RNF157: variants seen among roughly 807,000 people sequenced by gnomAD.
RNF157 encodes E3 ubiquitin ligase RNF157.
A neutral mutation model predicts 88.3 loss-of-function variants in RNF157; 55 were observed. That is an observed-to-expected ratio of 0.62 (90% CI 0.50 to 0.78). The LOEUF (loss-of-function observed/expected upper bound fraction) is 0.78, where lower values mean the gene tolerates loss of function less well. Ranked by LOEUF, RNF157 falls within the 30% of genes least tolerant of loss-of-function variation. The pLI is 0.00. For synonymous variants in RNF157, 334 were observed against 341.2 expected, an observed-to-expected ratio of 0.98 and a Z score of 0.23; for missense variants, 788 against 860.8, an observed-to-expected ratio of 0.92 and a Z score of 1.06.
At chr17:76,175,587 A>G (rs2069090291) in intron 2 of RNF157, among the ~76,000 whole-genome samples, 1 of 152,226 alleles carries the variant, frequency 6.6e-6, no homozygotes, top group African/African-American at 2.4e-5. Context: ...CAATTTTTAA[A>G]TAAGCTTAAG....
At chr17:76,154,359 T>C (rs747703346) in intron 16 of RNF157, 31 bp from the exon 17 acceptor site, 62 of 1,535,824 alleles carry the variant, frequency 4.0e-5, no homozygotes, top group Non-Finnish European at 4.9e-5. Context: ...TGTGAGTCTA[T>C]GAAGCGGCAA....
chr17:76,166,060 C>T (rs768815481), intron 6 of RNF157, among the ~76,000 whole-genome samples: 2 of 151,984 alleles, frequency 1.3e-5, no homozygotes, highest in East Asian at 1.9e-4. Context: ...CTGCAACCTC[C>T]GCCTCCCAGG....
intron 1 of RNF157, 102 bp from the exon 2 acceptor site, chr17:76,212,584 G>A (rs1283621004): frequency 4.1e-6 from 3 of 730,546 alleles, no homozygotes; most frequent in East Asian, 2.8e-5. Flanking sequence ...CTTTTGGGCT[G>A]TGCGTGGTGG....
intron 1 of RNF157, among the ~76,000 whole-genome samples, chr17:76,227,061 A>G (rs1254833564): frequency 6.6e-6 from 1 of 151,714 alleles, no homozygotes; most frequent in African/African-American, 2.4e-5. Context: ...GGAAAAAACT[A>G]CATCTGTGGG....
rs1294626122 is a variant in RNF157 at position 76,146,632 on chromosome 17, C to T, written c.1922-1279G>A. ...CTCTGGCCGGGGGAGGCCCAGTGTG[C>T]TCCTAAGTGCTCCCTGCAGCCTGAA... On this transcript the variant is annotated intron_variant, in intron 18 of 18. Coordinates refer to ENST00000269391, the MANE Select transcript of RNF157 (RefSeq NM_052916.3). This position sits in a 1 kb window ranked among gnomAD's most constrained non-coding sequence, Gnocchi z 4.2. 1 of 985,358 alleles carries T rather than the reference C, an allele frequency of 1.0e-6. No homozygotes were observed. The highest frequency in any genetic ancestry group is 1.2e-6 in the Non-Finnish European group (1 of 829,948). The allele number at this position is 985,358 out of a possible 1,614,324, so 61.0% of individuals were successfully genotyped here. A position where few individuals can be genotyped will look rare whatever the true frequency, so the allele number is the denominator to read the frequency against.
intron 1 of RNF157, among the ~76,000 whole-genome samples, chr17:76,214,735 G>A (rs1309726648): frequency 6.6e-6 from 1 of 152,102 alleles, no homozygotes; most frequent in Non-Finnish European, 1.5e-5. Flanking sequence ...TTCTTAATCA[G>A]CCAGGAGGCA....
At position 76,212,420 on chromosome 17, in the gene RNF157, C is replaced by G; in HGVS notation, c.151G>C (p.Gly51Arg). Residue 51 changes from glycine (G) to arginine (R), a missense_variant, in exon 2 of 19, where the codon GGT becomes CGT. Transcript: ENST00000269391. ...TCGCTGTTCTCTCCAAACAGGTAAC[C>G]TTCAGGATGAGTTGAGTCAAACTTC... ...GEKFDSTHPEGYLFGENSDLN... is the reference protein window; with the variant it reads ...GEKFDSTHPERYLFGENSDLN... 6.2e-7 allele frequency: 1 copy of G among 1,614,008 alleles called. No homozygotes were observed. The highest frequency in any genetic ancestry group is 2.2e-5 in the East Asian group (1 of 44,878).
At chr17:76,148,963 C>T (rs927895748) in intron 18 of RNF157, among the ~76,000 whole-genome samples, 4 of 152,194 alleles carry the variant, frequency 2.6e-5, no homozygotes, top group African/African-American at 9.7e-5. Flanking sequence ...TAACAGTCTG[C>T]CAAACTCCTC....
At chr17:76,186,215 C>T (rs1191555732) in intron 2 of RNF157, among the ~76,000 whole-genome samples, 1 of 152,042 alleles carries the variant, frequency 6.6e-6, no homozygotes, top group African/African-American at 2.4e-5. Flanking sequence ...GACTCTAAAA[C>T]TATTTATGGG....
chr17:76,167,022 C>T lies in RNF157; in HGVS notation c.548G>A (p.Trp183Ter). ...GAGGCAGCTCACCTCCTCTTCGGCC[C>T]ACTCGGAGGGATCCACGGTGTGGGA... ...LPSHTVDPSEWAEEELGFDLD... is the reference protein window; with the variant it reads ...LPSHTVDPSE The change falls in exon 5 of 19, where the codon TGG becomes TAG. Residue 183 changes from tryptophan (W) to a stop codon, truncating the protein, a stop_gained. Coordinates refer to ENST00000269391, the MANE Select transcript of RNF157 (RefSeq NM_052916.3). LOFTEE classifies it high-confidence loss of function. The T allele has an allele frequency of 6.2e-7, 1 of 1,609,020 alleles. No individual in the cohort carries two copies. Among genetic ancestry groups the T allele is most frequent in the Non-Finnish European group, 8.5e-7 (1 of 1,179,290 alleles).
intron 1 of RNF157, among the ~76,000 whole-genome samples, chr17:76,222,864 T>C (rs1272841621): frequency 6.6e-6 from 1 of 151,770 alleles, no homozygotes; most frequent in Non-Finnish European, 1.5e-5. Context: ...ATTTCATATA[T>C]ATGTGGAAGA....
At chr17:76,187,889 C>T (rs115346679) in intron 2 of RNF157, among the ~76,000 whole-genome samples, 1,555 of 152,268 alleles carry the variant, frequency 0.01, 33 homozygotes, top group African/African-American at 0.036. Context: ...TGAGCCACCA[C>T]GCCCAGCCCT....
At chr17:76,228,430 GGT>G (rs1027179030) in intron 1 of RNF157, among the ~76,000 whole-genome samples, 15 of 152,234 alleles carry the variant, frequency 9.9e-5, no homozygotes, top group Non-Finnish European at 2.1e-4. Flanking sequence ...TCCTTTCCAA[GGT>G]TAACTTCTTC....
At chr17:76,188,397 CT>C (rs1410784490) in intron 2 of RNF157, among the ~76,000 whole-genome samples, 8 of 152,148 alleles carry the variant, frequency 5.3e-5, no homozygotes, top group Non-Finnish European at 1.2e-4. Context: ...GTGGTTCTTC[CT>C]CTTTTTACTG....
intron 2 of RNF157, among the ~76,000 whole-genome samples, chr17:76,182,220 A>T (rs1289539519): frequency 6.6e-6 from 1 of 152,208 alleles, no homozygotes; most frequent in Non-Finnish European, 1.5e-5. Context: ...GGGCTCAGCC[A>T]GAAGACCTCT....
rs144025011 is a variant in RNF157, at chr17:76,161,234, T to C, written c.1065+301A>G. On this transcript the variant is annotated intron_variant, in intron 11 of 18. Transcript: ENST00000269391. The surrounding 1 kb of genome is among the most constrained non-coding windows in gnomAD (Gnocchi z 4.6). ...TTTAAATCCAAAATAATCGTCCCATTGTTTCTGCCTGGGGGAGTTCAAGTT... is the reference window on the plus strand; with the variant it reads ...TTTAAATCCAAAATAATCGTCCCATCGTTTCTGCCTGGGGGAGTTCAAGTT... Among the ~76,000 whole-genome samples, 160 of 152,270 alleles carry C rather than the reference T, an allele frequency of 1.1e-3. No homozygotes were observed. Among genetic ancestry groups the C allele is most frequent in the Non-Finnish European group, 1.8e-3 (120 of 68,020 alleles).
At chr17:76,152,653 GC>G in intron 17 of RNF157, 188 bp from the exon 18 acceptor site, 1 of 541,670 alleles carries the variant, frequency 1.8e-6, no homozygotes, top group Non-Finnish European at 3.3e-6. Flanking sequence ...CTGTGTTCTC[GC>G]GCTTTCCTGC....
At chr17:76,190,724 G>T (rs1014358201) in intron 2 of RNF157, among the ~76,000 whole-genome samples, 1 of 151,396 alleles carries the variant, frequency 6.6e-6, no homozygotes, top group Non-Finnish European at 1.5e-5. Context: ...TCGAGACCAC[G>T]ATGAAACCCC....
chr17:76,150,372 C>A (rs903869012), intron 18 of RNF157, among the ~76,000 whole-genome samples: 1 of 152,160 alleles, frequency 6.6e-6, no homozygotes, highest in South Asian at 2.1e-4. Flanking sequence ...TCCCAGTCCT[C>A]ACTCTCCTCC....
Sources: gnomAD v4.1 joint callset for allele counts (sites outside exome capture counted in the v4.1 genomes callset) on GRCh38, gnomAD v4.1.1 for gene constraint, Gnocchi (gnomAD v3.1) non-coding constraint, MANE v1.5 for transcripts, NCBI Gene and HGNC (gene_info 2026-07-23, HGNC 2026-07-21) for gene names.